Variants in KIRREL1 observed in about 807,000 individuals in gnomAD.
KIRREL1 encodes kin of IRRE-like protein 1.
In KIRREL1, 25 loss-of-function variants were observed where a neutral mutation model predicts 83.3. That is an observed-to-expected ratio of 0.30 (90% confidence interval 0.22 to 0.42). KIRREL1 has a LOEUF of 0.42. Among genes scored for constraint, KIRREL1 ranks in the 10% least tolerant of loss-of-function variants. KIRREL1 has a pLI of 1.00. For missense variants in KIRREL1, 812 were observed against 1,032.3 expected, an observed-to-expected ratio of 0.79 and a Z score of 2.92; for synonymous variants, 388 against 410.4, an observed-to-expected ratio of 0.95 and a Z score of 0.66.
intron 1 of KIRREL1, among the ~76,000 whole-genome samples, chr1:158,070,682 G>A (rs1415003149): frequency 1.3e-5 from 2 of 152,132 alleles, no homozygotes; most frequent in African/African-American, 2.4e-5. Flanking sequence ...AGGCTAGAGG[G>A]GCTTTGCCTT....
chr1:157,996,644 G>T (rs1257175873), intron 1 of KIRREL1, among the ~76,000 whole-genome samples: 2 of 152,192 alleles, frequency 1.3e-5, no homozygotes, highest in African/African-American at 4.8e-5. Flanking sequence ...GGTCTGGAGA[G>T]TAACTGGACT....
intron 1 of KIRREL1, among the ~76,000 whole-genome samples, chr1:158,049,081 A>G (rs1660848104): frequency 6.6e-6 from 1 of 152,252 alleles, no homozygotes; most frequent in South Asian, 2.1e-4. Flanking sequence ...GTGTGGAGAC[A>G]GAACGAATAA....
chr1:158,033,489 C>G (rs183934956), intron 1 of KIRREL1, among the ~76,000 whole-genome samples: 1 of 152,192 alleles, frequency 6.6e-6, no homozygotes, highest in Non-Finnish European at 1.5e-5. Context: ...CAGTTCTGGG[C>G]TGGATGGTGA....
chr1:158,014,452 T>G (rs1028406019), intron 1 of KIRREL1, among the ~76,000 whole-genome samples: 1 of 152,184 alleles, frequency 6.6e-6, no homozygotes, highest in East Asian at 1.9e-4. Flanking sequence ...TGTCCGGGAC[T>G]CTGCCTGAGA....
chr1:157,993,762 C>CAG (rs1360141740), intron 1 of KIRREL1, 34 bp downstream of exon 1: 1 of 1,409,382 alleles, frequency 7.1e-7, no homozygotes, highest in Non-Finnish European at 9.5e-7. Flanking sequence ...GGACGCTCGG[C>CAG]TTCCCCCCGG....
Position 158,094,949 on chromosome 1 carries a change from C to T in KIRREL1, c.2103C>T (p.Tyr701=), listed in dbSNP as rs1212510271. ...NSHPFPGAAG[Y]PTYRLGYPQA... Reference sequence around the variant, plus strand: ...ATCCCTTCCCTGGGGCAGCTGGGTACCCCACCTACCGACTGGGCTACCCCC... The same window carrying T: ...ATCCCTTCCCTGGGGCAGCTGGGTATCCCACCTACCGACTGGGCTACCCCC... Residue 701 remains tyrosine, a synonymous_variant, in exon 15 of 15, where the codon TAC becomes TAT. Coordinates refer to ENST00000359209, the MANE Select transcript of KIRREL1 (RefSeq NM_018240.7). This position sits in a 1 kb window ranked among gnomAD's most constrained non-coding sequence, Gnocchi z 4.6. 17 of 1,613,930 alleles carry T rather than the reference C, an allele frequency of 1.1e-5. No individual in the cohort carries two copies. The highest frequency in any genetic ancestry group is 1.4e-5 in the Non-Finnish European group (17 of 1,179,984).
At chr1:158,088,232 C>G in intron 7 of KIRREL1, 78 bp downstream of exon 7, 2 of 1,606,046 alleles carry the variant, frequency 1.2e-6, no homozygotes, top group Non-Finnish European at 8.5e-7. Context: ...GGGGACTGCT[C>G]CATGAATGGG....
intron 1 of KIRREL1, among the ~76,000 whole-genome samples, chr1:158,003,346 A>G (rs2101624504): frequency 6.6e-6 from 1 of 152,290 alleles, no homozygotes; most frequent in South Asian, 2.1e-4. Context: ...AGCCTCTGAG[A>G]GAAGTTGAAG....
intron 11 of KIRREL1, 115 bp from the exon 12 acceptor site, chr1:158,093,224 C>T: frequency 3.7e-6 from 3 of 819,838 alleles, no homozygotes; most frequent in Admixed American, 1.9e-5. Context: ...AAACTTAGCC[C>T]TGTACACAAG....
chr1:158,029,897 A>G (rs555420248), intron 1 of KIRREL1, among the ~76,000 whole-genome samples: 55 of 152,340 alleles, frequency 3.6e-4, no homozygotes, highest in South Asian at 1.2e-3. Flanking sequence ...TTAAATTTTT[A>G]ATTTTATATT....
At chr1:158,003,139 G>T (rs1435727816) in intron 1 of KIRREL1, among the ~76,000 whole-genome samples, 1 of 152,062 alleles carries the variant, frequency 6.6e-6, no homozygotes, top group African/African-American at 2.4e-5. Context: ...CCGGGGCCTT[G>T]CTCGCTCCAT....
intron 1 of KIRREL1, among the ~76,000 whole-genome samples, chr1:158,060,723 A>AT (rs1278429596): frequency 1.3e-5 from 2 of 152,114 alleles, no homozygotes; most frequent in East Asian, 1.9e-4. Context: ...GGAGCAAGTG[A>AT]TTTTGTAGGA....
chr1:158,046,162 A>C (rs1212391583), intron 1 of KIRREL1, among the ~76,000 whole-genome samples: 4 of 152,234 alleles, frequency 2.6e-5, no homozygotes, highest in South Asian at 2.1e-4. Flanking sequence ...ATCCAGGCAC[A>C]AGATGATAGC....
At chr1:158,068,493 G>A (rs968898152) in intron 1 of KIRREL1, among the ~76,000 whole-genome samples, 7 of 152,202 alleles carry the variant, frequency 4.6e-5, no homozygotes, top group East Asian at 1.9e-4. Context: ...CCCCTCATCC[G>A]CAGTAGCTGG....
intron 1 of KIRREL1, among the ~76,000 whole-genome samples, chr1:158,060,495 G>A (rs1661186576): frequency 6.6e-6 from 1 of 151,978 alleles, no homozygotes; most frequent in Non-Finnish European, 1.5e-5. Flanking sequence ...CCTTCCAGAA[G>A]TCCCCTGGTC....
chr1:158,081,863 G>A (rs1388444165), intron 3 of KIRREL1, among the ~76,000 whole-genome samples: 1 of 152,172 alleles, frequency 6.6e-6, no homozygotes, highest in East Asian at 1.9e-4. Context: ...GGTAGAGGAA[G>A]CTGATGCCTT....
intron 1 of KIRREL1, among the ~76,000 whole-genome samples, chr1:158,057,964 A>T (rs1454619902): frequency 2.0e-5 from 3 of 152,200 alleles, no homozygotes; most frequent in Non-Finnish European, 2.9e-5. Context: ...GTGAATTATT[A>T]GGTAAAGAGA....
intron 1 of KIRREL1, among the ~76,000 whole-genome samples, chr1:158,028,078 C>G (rs952220502): frequency 6.6e-6 from 1 of 152,200 alleles, no homozygotes; most frequent in African/African-American, 2.4e-5. Flanking sequence ...CCCACCCTAC[C>G]ATGTCCCTGA....
intron 1 of KIRREL1, among the ~76,000 whole-genome samples, chr1:158,067,540 A>G (rs1187093377): frequency 6.6e-6 from 1 of 152,220 alleles, no homozygotes; most frequent in Non-Finnish European, 1.5e-5. Flanking sequence ...GTCTGAGGAC[A>G]TTAGAGATGG....
Sources: allele counts gnomAD v4.1 joint callset (sites outside exome capture counted in the v4.1 genomes callset), GRCh38; gene constraint gnomAD v4.1.1; non-coding constraint Gnocchi (gnomAD v3.1); transcripts MANE v1.5; gene names NCBI Gene and HGNC (gene_info 2026-07-23, HGNC 2026-07-21).